The following CDIN1 variants were observed in gnomAD, a reference collection of about 807,000 sequenced individuals.
The protein encoded by CDIN1 is CDAN1-interacting nuclease 1.
CDIN1 carries 33 observed loss-of-function variants against 45.3 expected under a neutral mutation model. That is an observed-to-expected ratio of 0.73 (90% confidence interval 0.55 to 0.97). CDIN1 has a LOEUF of 0.97. CDIN1 is among the 50% of genes least tolerant of loss of function. The pLI is 0.00. For missense variants in CDIN1, 303 were observed against 339.4 expected (o/e 0.89, Z 0.84); for synonymous variants, 118 against 124.4 (o/e 0.95, Z 0.34).
At chr15:36,697,901 G>C (rs2042493341) in intron 8 of CDIN1, among the ~76,000 whole-genome samples, 3 of 152,060 alleles carry the variant, frequency 2.0e-5, no homozygotes, top group Admixed American at 1.3e-4. Context: ...ATGTGTTTGT[G>C]TATTACAGAT....
At chr15:36,585,051 T>G (rs1368717268) in intron 1 of CDIN1, among the ~76,000 whole-genome samples, 2 of 152,220 alleles carry the variant, frequency 1.3e-5, no homozygotes, top group African/African-American at 4.8e-5. Context: ...AAGCCCCTGG[T>G]CCAATCAGCT....
intron 1 of CDIN1, among the ~76,000 whole-genome samples, chr15:36,594,112 A>G (rs1289320218): frequency 6.6e-6 from 1 of 152,202 alleles, no homozygotes; most frequent in Non-Finnish European, 1.5e-5. Flanking sequence ...TGGGCAAGAC[A>G]GTAATTTTTC....
intron 10 of CDIN1, among the ~76,000 whole-genome samples, chr15:36,807,836 T>C (rs1485830453): frequency 6.6e-6 from 1 of 152,214 alleles, no homozygotes; most frequent in East Asian, 1.9e-4. Flanking sequence ...TAGAACAGTA[T>C]AGCCAGAAGA....
At chr15:36,788,715 A>G (rs1034000267) in intron 10 of CDIN1, among the ~76,000 whole-genome samples, 7 of 138,996 alleles carry the variant, frequency 5.0e-5, no homozygotes, top group Non-Finnish European at 1.1e-4. Flanking sequence ...TTAAACACTG[A>G]ATAATTATCA....
intron 5 of CDIN1, among the ~76,000 whole-genome samples, chr15:36,666,494 T>C (rs2041253027): frequency 6.6e-6 from 1 of 152,204 alleles, no homozygotes; most frequent in Non-Finnish European, 1.5e-5. Context: ...ACTGCAAGAT[T>C]GTCAGAACAA....
At chr15:36,731,761 G>C (rs959286260) in intron 10 of CDIN1, among the ~76,000 whole-genome samples, 1 of 152,138 alleles carries the variant, frequency 6.6e-6, no homozygotes, top group African/African-American at 2.4e-5. Context: ...TGCCTGTCTG[G>C]CTAAATGATC....
intron 10 of CDIN1, among the ~76,000 whole-genome samples, chr15:36,786,314 C>T (rs1214257083): frequency 6.6e-6 from 1 of 152,142 alleles, no homozygotes; most frequent in African/African-American, 2.4e-5. Flanking sequence ...TGTTCCTTAT[C>T]ACCTTCTAAC....
At chr15:36,588,657 A>G (rs2037420454) in intron 1 of CDIN1, among the ~76,000 whole-genome samples, 1 of 152,098 alleles carries the variant, frequency 6.6e-6, no homozygotes, top group African/African-American at 2.4e-5. Flanking sequence ...TGTTTTCTTT[A>G]GTGATCTTTT....
intron 10 of CDIN1, among the ~76,000 whole-genome samples, chr15:36,792,868 C>T (rs2054682219): frequency 1.3e-5 from 2 of 152,094 alleles, no homozygotes; most frequent in African/African-American, 4.8e-5. Flanking sequence ...TCTGCTATAC[C>T]GTGCCCTTCC....
intron 3 of CDIN1, among the ~76,000 whole-genome samples, 182 bp downstream of exon 3, chr15:36,645,469 A>G (rs1222087508): frequency 6.7e-6 from 1 of 149,022 alleles, no homozygotes; most frequent in Non-Finnish European, 1.5e-5. Context: ...TGTAGATCTA[A>G]AGAGTATGGT....
intron 1 of CDIN1, chr15:36,613,545 A>G: frequency 1.3e-6 from 2 of 1,519,332 alleles, no homozygotes; most frequent in Non-Finnish European, 1.8e-6. Flanking sequence ...GATGATGCAG[A>G]GGAGTGAGCT....
intron 1 of CDIN1, among the ~76,000 whole-genome samples, chr15:36,611,123 G>C (rs2038628301): frequency 6.6e-6 from 1 of 152,204 alleles, no homozygotes; most frequent in African/African-American, 2.4e-5. Context: ...TATTATAACA[G>C]GCTTTTTTGG....
chr15:36,721,837 C>A (rs2140881892), intron 10 of CDIN1, among the ~76,000 whole-genome samples: 1 of 151,754 alleles, frequency 6.6e-6, no homozygotes, highest in South Asian at 2.1e-4. Context: ...TGATATTGTG[C>A]CCTTTAAACT....
At chr15:36,779,121 G>A (rs1303073602) in intron 10 of CDIN1, among the ~76,000 whole-genome samples, 1 of 152,180 alleles carries the variant, frequency 6.6e-6, no homozygotes, top group African/African-American at 2.4e-5. Flanking sequence ...AATTAGGCAT[G>A]TGTGCTATGT....
chr15:36,808,718 T>G lies in CDIN1; in HGVS notation c.*265T>G. On this transcript the variant is annotated 3_prime_UTR_variant, in exon 11 of 11. Transcript: ENST00000566621. ...CTCTGTCAAACAATTAGTTTATAGA[T>G]AGTCATAATCTTTCTTTCTTCCGGA... The G allele has an allele frequency of 2.0e-6, 1 of 503,620 alleles. No individual in the cohort carries two copies. The highest frequency in any genetic ancestry group is 2.0e-5 in the South Asian group (1 of 50,304). 31.2% of individuals were successfully genotyped at this position (503,620 alleles called of 1,614,324 possible). A position where few individuals can be genotyped will look rare whatever the true frequency, so the allele number is the denominator to read the frequency against.
chr15:36,681,926 A>C (rs2041863200), intron 5 of CDIN1, among the ~76,000 whole-genome samples: 2 of 152,252 alleles, frequency 1.3e-5, no homozygotes. Flanking sequence ...TATTGAATCC[A>C]AAAGCAGAGA....
At chr15:36,679,168 G>A (rs117836373) in intron 5 of CDIN1, among the ~76,000 whole-genome samples, 2,926 of 152,220 alleles carry the variant, frequency 0.019, 42 homozygotes, top group Non-Finnish European at 0.029. Context: ...AAAAGAGTGT[G>A]TATGTGTGTA....
At chr15:36,674,093 C>T (rs1250140189) in intron 5 of CDIN1, among the ~76,000 whole-genome samples, 6 of 152,070 alleles carry the variant, frequency 3.9e-5, no homozygotes, top group South Asian at 2.1e-4. Flanking sequence ...GGTGAGAATA[C>T]GCTGTCTAAT....
rs1158867209 is a variant in CDIN1 at position 36,751,226 on chromosome 15, ATT to A, written c.716+41268_716+41269del. On this transcript the variant is annotated intron_variant, in intron 10 of 10. Transcript: ENST00000566621. ...TTGATAAAAGCATATATATATGCTT[ATT>A]TTATATATATATATATATATATATA... Among the ~76,000 whole-genome samples the A allele has an allele frequency of 1.0e-3, 36 of 36,030 alleles. 1 individual carries two copies. In the East Asian group the frequency reaches 0.033, roughly 33 times the overall value. The allele number at this position is 36,030 out of a possible 152,430, so 23.6% of individuals were successfully genotyped here.
Sources: gnomAD v4.1 joint callset for allele counts (sites outside exome capture counted in the v4.1 genomes callset) on GRCh38, gnomAD v4.1.1 for gene constraint, MANE v1.5 for transcripts, NCBI Gene and HGNC (gene_info 2026-07-23, HGNC 2026-07-21) for gene names.